VGLL3: variants seen among roughly 807,000 people sequenced by gnomAD.
VGLL3 encodes the protein transcription cofactor vestigial-like protein 3.
Under a neutral mutation model 29.2 loss-of-function variants are expected in VGLL3, and 18 were observed. That is an observed-to-expected ratio of 0.62 (90% confidence interval 0.43 to 0.91). The LOEUF (loss-of-function observed/expected upper bound fraction) is 0.91, where lower values mean the gene tolerates loss of function less well. Among genes scored for constraint, VGLL3 ranks in the 40% least tolerant of loss-of-function variants. The probability of loss-of-function intolerance (pLI) is 0.00; values close to 1 mark genes in which losing one functional copy is unlikely to be tolerated. For missense variants in VGLL3, 440 were observed against 413.2 expected (o/e 1.06, Z -0.56); for synonymous variants, 180 against 151.8 (o/e 1.19, Z -1.36).
At position 86,940,218 on chromosome 3, in the gene VGLL3, T is replaced by C. The variant is rs1704364372; in HGVS notation, c.*6806A>G. The C allele has an allele frequency of 6.6e-6, 1 of 152,156 alleles. No individual in the cohort carries two copies. The highest frequency in any genetic ancestry group is 1.5e-5 in the Non-Finnish European group (1 of 68,032). 9.4% of individuals were successfully genotyped at this position (152,156 alleles called of 1,614,324 possible). A position where few individuals can be genotyped will look rare whatever the true frequency, so the allele number is the denominator to read the frequency against. ...CTCTAGCTTTCTTCAGAATACAAGG[T>C]CTTGGAATTCTCTTTTCAATGTTAA... On this transcript the variant is annotated 3_prime_UTR_variant, in exon 4 of 4. Transcript: ENST00000398399.
At chr3:86,980,515 G>T (rs549809373) in intron 1 of VGLL3, among the ~76,000 whole-genome samples, 1 of 152,150 alleles carries the variant, frequency 6.6e-6, no homozygotes, top group East Asian at 1.9e-4. Flanking sequence ...AAGTGAATGT[G>T]CCTTGCTGAT....
intron 3 of VGLL3, among the ~76,000 whole-genome samples, chr3:86,961,540 T>C (rs1289325360): frequency 6.6e-6 from 1 of 152,162 alleles, no homozygotes; most frequent in Non-Finnish European, 1.5e-5. Flanking sequence ...AGGAGACATA[T>C]TCTTGCATTC....
chr3:86,990,591 C>A, intron 1 of VGLL3, 27 bp downstream of exon 1: 1 of 1,324,532 alleles, frequency 7.5e-7, no homozygotes, highest in Non-Finnish European at 9.7e-7. Context: ...CCCCCGCCCC[C>A]AGCAGGCTGC....
At chr3:86,954,013 C>A (rs1704666275) in intron 3 of VGLL3, among the ~76,000 whole-genome samples, 1 of 152,156 alleles carries the variant, frequency 6.6e-6, no homozygotes, top group Admixed American at 6.5e-5. Context: ...ACACTAAAAT[C>A]ATTACAAAAG....
chr3:86,990,542 C>A, intron 1 of VGLL3, 76 bp downstream of exon 1: 1 of 1,304,256 alleles, frequency 7.7e-7, no homozygotes, highest in East Asian at 2.8e-5. Context: ...GCCGGCGGGA[C>A]GTCGCCGAGC....
intron 1 of VGLL3, 96 bp downstream of exon 1, chr3:86,990,522 C>A (rs1192749316): frequency 6.0e-5 from 78 of 1,295,242 alleles, no homozygotes; most frequent in Non-Finnish European, 7.5e-5. Context: ...GCATCCTCTG[C>A]GCCACGCGTG....
chr3:86,958,552 C>T (rs1230197375), intron 3 of VGLL3, among the ~76,000 whole-genome samples: 1 of 152,170 alleles, frequency 6.6e-6, no homozygotes, highest in African/African-American at 2.4e-5. Context: ...CATTATGGCA[C>T]CATTTTATGG....
chr3:86,970,483 G>GCACGCA (rs71619522), intron 2 of VGLL3, among the ~76,000 whole-genome samples: 1 of 141,200 alleles, frequency 7.1e-6, no homozygotes, highest in Non-Finnish European at 1.5e-5. Flanking sequence ...TTACACACAC[G>GCACGCA]CACACACACA....
Position 86,968,928 on chromosome 3 carries a change from G to A in VGLL3, c.599C>T (p.Pro200Leu), listed in dbSNP as rs764093640. ...AGGCCAGGACTCAGACACAGCAGGG[G>A]GAGGGGCTGGGCCAGTCTGATGCAG... is the stretch of plus-strand genomic sequence containing the variant. The part of the protein sequence containing the change: ...HNLHQTGPAP[P>L]PAVSESWPYP... The change falls in exon 3 of 4, where the codon CCC (proline) becomes CTC (leucine). Residue 200 changes from proline to leucine, a missense_variant. Coordinates refer to ENST00000398399, the MANE Select transcript of VGLL3 (RefSeq NM_016206.4). 1.2e-6 allele frequency: 2 copies of A among 1,614,170 alleles called. No individual in the cohort carries two copies. The highest frequency in any genetic ancestry group is 3.3e-5 in the Admixed American group (2 of 60,022).
chr3:86,950,722 C>T (rs1006256028), intron 3 of VGLL3, among the ~76,000 whole-genome samples: 6 of 152,252 alleles, frequency 3.9e-5, no homozygotes, highest in African/African-American at 1.2e-4. Context: ...GTAGGTTACA[C>T]TTTTGATGAA....
At position 86,942,761 on chromosome 3, in the gene VGLL3, G is replaced by A. The variant is rs1436598335; in HGVS notation, c.*4263C>T. On this transcript the variant is annotated 3_prime_UTR_variant, in exon 4 of 4. Transcript: ENST00000398399. ...CTAAAAAGTCAGCTAATTAAGAAAC[G>A]TACATTTATCTCCTATACCAGGTAG... 2 of 152,108 alleles carry A rather than the reference G, an allele frequency of 1.3e-5. No homozygotes were observed. The highest frequency in any genetic ancestry group is 6.5e-5 in the Admixed American group (1 of 15,272). 9.4% of individuals were successfully genotyped at this position (152,108 alleles called of 1,614,324 possible).
intron 1 of VGLL3, among the ~76,000 whole-genome samples, chr3:86,986,340 G>A (rs747262039): frequency 2.0e-5 from 3 of 152,014 alleles, no homozygotes; most frequent in Non-Finnish European, 4.4e-5. Context: ...TGATTTTATG[G>A]TTCTCAATCT....
intron 3 of VGLL3, among the ~76,000 whole-genome samples, chr3:86,963,339 G>A (rs1704895562): frequency 1.3e-5 from 2 of 152,056 alleles, no homozygotes; most frequent in Non-Finnish European, 2.9e-5. Flanking sequence ...GACACAAAAA[G>A]CCACATATCA....
chr3:86,959,065 T>C (rs1212278059), intron 3 of VGLL3, among the ~76,000 whole-genome samples: 1 of 152,196 alleles, frequency 6.6e-6, no homozygotes, highest in African/African-American at 2.4e-5. Context: ...TTCTGCCTGG[T>C]ATTTTTAAAA....
Position 86,938,539 on chromosome 3 carries a change from T to C in VGLL3, c.*8485A>G, listed in dbSNP as rs1704324577. On this transcript the variant is annotated 3_prime_UTR_variant, in exon 4 of 4. Coordinates refer to ENST00000398399, the MANE Select transcript of VGLL3 (RefSeq NM_016206.4). ...TATATTTGGCTCTCTGCAAATAGTC[T>C]CTTGTACAAGTGCAAAGCAAAGATC... 1 of 152,676 alleles carries C rather than the reference T, an allele frequency of 6.5e-6. No homozygotes were observed. The highest frequency in any genetic ancestry group is 1.5e-5 in the Non-Finnish European group (1 of 68,052). 9.5% of individuals were successfully genotyped at this position (152,676 alleles called of 1,614,324 possible).
chr3:86,977,333 C>T (rs1187563190), intron 2 of VGLL3, among the ~76,000 whole-genome samples: 1 of 152,198 alleles, frequency 6.6e-6, no homozygotes, highest in South Asian at 2.1e-4. Flanking sequence ...CCAGCAATTC[C>T]ATGTGGCCAG....
At chr3:86,958,917 C>G (rs1343085778) in intron 3 of VGLL3, among the ~76,000 whole-genome samples, 3 of 151,948 alleles carry the variant, frequency 2.0e-5, no homozygotes, top group South Asian at 4.2e-4. Flanking sequence ...ATGACATATG[C>G]CAGAGAAAAA....
Position 86,941,689 on chromosome 3 carries a change from C to T in VGLL3, c.*5335G>A, listed in dbSNP as rs1704400812. 1 of 151,000 alleles carries T rather than the reference C, an allele frequency of 6.6e-6. No individual in the cohort carries two copies. Among genetic ancestry groups the T allele is most frequent in the Non-Finnish European group, 1.5e-5 (1 of 67,706 alleles). 9.4% of individuals were successfully genotyped at this position (151,000 alleles called of 1,614,324 possible). On this transcript the variant is annotated 3_prime_UTR_variant, in exon 4 of 4. Coordinates refer to ENST00000398399, the MANE Select transcript of VGLL3 (RefSeq NM_016206.4). ...TTTTTAAACAAAAAAGCACAATAGA[C>T]AATAAAAGAAATAGAAAAGTTGAGA...
chr3:86,960,968 C>A (rs1208339726), intron 3 of VGLL3, among the ~76,000 whole-genome samples: 1 of 126,638 alleles, frequency 7.9e-6, no homozygotes, highest in Non-Finnish European at 1.7e-5. Flanking sequence ...TATATATATG[C>A]ATATGATGTT....
Sources: allele counts gnomAD v4.1 joint callset (sites outside exome capture counted in the v4.1 genomes callset), GRCh38; gene constraint gnomAD v4.1.1; transcripts MANE v1.5; gene names NCBI Gene and HGNC (gene_info 2026-07-23, HGNC 2026-07-21).